LRRC37A2: variants seen among roughly 807,000 people sequenced by gnomAD.
The protein encoded by LRRC37A2 is leucine-rich repeat-containing protein 37A2.
Under a neutral mutation model 68.8 loss-of-function variants are expected in LRRC37A2, and 9 were observed. The observed-to-expected ratio is 0.13, with a 90% CI of 0.08 to 0.23. The LOEUF (loss-of-function observed/expected upper bound fraction) is 0.23. Among genes scored for constraint, LRRC37A2 ranks in the 10% least tolerant of loss-of-function variants. The pLI is 1.00. For missense variants in LRRC37A2, 168 were observed against 950.4 expected (o/e 0.18, Z 10.82); for synonymous variants, 63 against 367.6 (o/e 0.17, Z 9.48).
the LRRC37A2 span, among the ~76,000 whole-genome samples, chr17:46,626,001 T>G: frequency 6.7e-6 from 1 of 149,324 alleles, no homozygotes; most frequent in Non-Finnish European, 1.5e-5. Flanking sequence ...GGACTGTTTT[T>G]TTTTTTATTT....
At chr17:46,839,965 TTTC>T in the LRRC37A2 span, among the ~76,000 whole-genome samples, 265 of 137,414 alleles carry the variant, frequency 1.9e-3, 1 homozygote, top group Non-Finnish European at 3.1e-3. Flanking sequence ...TCTTTCTTTC[TTTC>T]TTTCTTTCTC....
At chr17:46,625,879 TAAAAAAAA>T in the LRRC37A2 span, among the ~76,000 whole-genome samples, 6 of 59,034 alleles carry the variant, frequency 1.0e-4, no homozygotes, top group African/African-American at 4.5e-4. Flanking sequence ...CCACATGTAT[TAAAAAAAA>T]AAAAAAAAAA....
chr17:46,956,163 G>C, the LRRC37A2 span, among the ~76,000 whole-genome samples: 2 of 151,570 alleles, frequency 1.3e-5, no homozygotes, highest in African/African-American at 4.9e-5. Flanking sequence ...CATAAAGCTA[G>C]TTCTGGATCA....
chr17:46,493,307 G>A, the LRRC37A2 span, among the ~76,000 whole-genome samples: 6 of 125,922 alleles, frequency 4.8e-5, no homozygotes, highest in Admixed American at 3.2e-4. Flanking sequence ...TTGCAAGTGC[G>A]CACCACCACA....
chr17:46,969,696 C>G, the LRRC37A2 span, among the ~76,000 whole-genome samples: 3 of 152,182 alleles, frequency 2.0e-5, no homozygotes, highest in Non-Finnish European at 2.9e-5. Flanking sequence ...GAAGAGTTCA[C>G]GGGAATCAAA....
At chr17:46,712,869 A>G in the LRRC37A2 span, among the ~76,000 whole-genome samples, 2 of 152,208 alleles carry the variant, frequency 1.3e-5, no homozygotes, top group South Asian at 4.1e-4. Context: ...AAAGAAACAT[A>G]TTTTAAGAAA....
chr17:46,875,008 T>C, the LRRC37A2 span: 356 of 1,594,618 alleles, frequency 2.2e-4, 1 homozygote, highest in East Asian at 5.4e-3. Context: ...CCACCGCCTC[T>C]GGCCCTCAGA....
chr17:46,501,346 T>C, the LRRC37A2 span, among the ~76,000 whole-genome samples: 1 of 151,080 alleles, frequency 6.6e-6, no homozygotes, highest in African/African-American at 2.5e-5. Flanking sequence ...TGGCTAATTT[T>C]TGTATTTTAG....
the LRRC37A2 span, among the ~76,000 whole-genome samples, chr17:46,758,650 T>C: frequency 6.6e-6 from 1 of 152,242 alleles, no homozygotes; most frequent in Non-Finnish European, 1.5e-5. Context: ...ATTGCATAAT[T>C]GTGGTTAAAG....
the LRRC37A2 span, among the ~76,000 whole-genome samples, chr17:46,718,416 G>A: frequency 6.6e-6 from 1 of 152,126 alleles, no homozygotes; most frequent in Admixed American, 6.5e-5. Flanking sequence ...AATGATACAT[G>A]CTTAATGAGT....
At chr17:46,719,413 T>A in the LRRC37A2 span, among the ~76,000 whole-genome samples, 71 of 152,322 alleles carry the variant, frequency 4.7e-4, no homozygotes, top group African/African-American at 1.7e-3. The surrounding 1 kb of genome is among the most constrained non-coding windows in gnomAD (Gnocchi z 4.3). Flanking sequence ...TTTTCACAAA[T>A]GGATGGTGCT....
chr17:47,033,344 G>A, the LRRC37A2 span: 1 of 699,850 alleles, frequency 1.4e-6, no homozygotes, highest in Non-Finnish European at 2.6e-6. Context: ...GGTCTTGTAT[G>A]GAGGAGCTTG....
the LRRC37A2 span, among the ~76,000 whole-genome samples, chr17:46,824,882 G>A: frequency 6.6e-6 from 1 of 152,198 alleles, no homozygotes; most frequent in Non-Finnish European, 1.5e-5. Context: ...CTTGGTTCCT[G>A]TGTCCCTTTC....
the LRRC37A2 span, among the ~76,000 whole-genome samples, chr17:46,772,083 G>A: frequency 6.6e-6 from 1 of 152,136 alleles, no homozygotes; most frequent in Non-Finnish European, 1.5e-5. Flanking sequence ...CGGCGGTGGT[G>A]TGGGGACTCG....
At chr17:46,498,983 G>A in the LRRC37A2 span, among the ~76,000 whole-genome samples, 2 of 150,570 alleles carry the variant, frequency 1.3e-5, no homozygotes, top group Non-Finnish European at 1.5e-5. Context: ...ATGAAAGAAT[G>A]CATTTTAAAG....
At chr17:46,769,406 G>A in the LRRC37A2 span, among the ~76,000 whole-genome samples, 4 of 152,150 alleles carry the variant, frequency 2.6e-5, no homozygotes, top group South Asian at 8.3e-4. Flanking sequence ...GGAACTTAAC[G>A]TGACTCACCC....
the LRRC37A2 span, among the ~76,000 whole-genome samples, chr17:46,927,034 C>G: frequency 7.3e-4 from 111 of 152,290 alleles, no homozygotes; most frequent in African/African-American, 2.5e-3. Context: ...TATGAGAGTT[C>G]TAGTTTCCCT....
At chr17:46,708,822 A>ATATATT in the LRRC37A2 span, among the ~76,000 whole-genome samples, 1 of 108,854 alleles carries the variant, frequency 9.2e-6, no homozygotes, top group Non-Finnish European at 1.7e-5. Context: ...ATATATATAT[A>ATATATT]TTTTTTTTTT....
the LRRC37A2 span, chr17:47,021,752 G>T: frequency 1.1e-6 from 1 of 875,326 alleles, no homozygotes; most frequent in Non-Finnish European, 1.8e-6. Context: ...GTTATTTTCT[G>T]TTTCTGAATA....
Sources: gnomAD v4.1 joint callset for allele counts (sites outside exome capture counted in the v4.1 genomes callset) on GRCh38, gnomAD v4.1.1 for gene constraint, Gnocchi (gnomAD v3.1) non-coding constraint, MANE v1.5 for transcripts, NCBI Gene and HGNC (gene_info 2026-07-23, HGNC 2026-07-21) for gene names.